Variants in REEP3 observed in about 807,000 individuals in gnomAD.
REEP3 encodes receptor expression-enhancing protein 3.
In REEP3, 20 loss-of-function variants were observed where a neutral mutation model predicts 41.3. The observed-to-expected ratio is 0.48, with a 90% CI of 0.34 to 0.70. REEP3 has a LOEUF of 0.70. REEP3 is among the 30% of genes least tolerant of loss of function. The pLI is 0.01. For missense variants in REEP3, 271 were observed against 308.8 expected (o/e 0.88, Z 0.92); for synonymous variants, 104 against 101.8 (o/e 1.02, Z -0.13).
intron 5 of REEP3, among the ~76,000 whole-genome samples, chr10:63,604,183 C>T (rs565069961): frequency 6.6e-6 from 1 of 151,974 alleles, no homozygotes; most frequent in Admixed American, 6.6e-5. Context: ...TTTATTACAC[C>T]GTAAAGCAAT....
At chr10:63,599,082 A>G (rs553027984) in intron 4 of REEP3, 88 bp from the exon 5 acceptor site, 1 of 654,806 alleles carries the variant, frequency 1.5e-6, no homozygotes, top group East Asian at 3.1e-5. Flanking sequence ...TATAAAATTA[A>G]TGAAACTATT....
intron 2 of REEP3, among the ~76,000 whole-genome samples, chr10:63,585,466 A>G (rs1328232087): frequency 3.9e-5 from 6 of 152,170 alleles, no homozygotes; most frequent in Non-Finnish European, 8.8e-5. Flanking sequence ...GTAGTTATAT[A>G]TTAAATCAGA....
chr10:63,529,444 C>A (rs1241334647), intron 1 of REEP3, among the ~76,000 whole-genome samples: 1 of 148,368 alleles, frequency 6.7e-6, no homozygotes, highest in Non-Finnish European at 1.5e-5. Context: ...GAATGTCATT[C>A]TTTTATTTAT....
At chr10:63,568,837 AT>A (rs1955827558) in intron 2 of REEP3, among the ~76,000 whole-genome samples, 2 of 149,448 alleles carry the variant, frequency 1.3e-5, no homozygotes, top group African/African-American at 4.9e-5. Flanking sequence ...TTTTTTTATT[AT>A]TTTTTATAGA....
chr10:63,568,678 A>G (rs1955825618), intron 2 of REEP3, among the ~76,000 whole-genome samples: 1 of 135,696 alleles, frequency 7.4e-6, no homozygotes, highest in Non-Finnish European at 1.6e-5. Flanking sequence ...TTTTTGAGAC[A>G]GGGTCTTGCT....
At chr10:63,545,129 A>G (rs1955564975) in intron 1 of REEP3, among the ~76,000 whole-genome samples, 1 of 152,180 alleles carries the variant, frequency 6.6e-6, no homozygotes, top group Non-Finnish European at 1.5e-5. Flanking sequence ...TGCTTTTTAA[A>G]TTGTTTGTGG....
chr10:63,529,779 C>CT (rs11442892), intron 1 of REEP3, among the ~76,000 whole-genome samples: 51,208 of 142,068 alleles, frequency 0.36, 9,578 homozygotes, highest in African/African-American at 0.48. Context: ...GAATGTGATT[C>CT]TTTTTTTTTT....
intron 2 of REEP3, among the ~76,000 whole-genome samples, chr10:63,571,445 G>T (rs146332517): frequency 6.6e-5 from 10 of 152,206 alleles, no homozygotes; most frequent in Non-Finnish European, 1.3e-4. Flanking sequence ...CTTGGTTTAT[G>T]GCTTTATTCT....
At chr10:63,597,991 TG>T in intron 3 of REEP3, 32 bp from the exon 4 acceptor site, 1 of 1,566,594 alleles carries the variant, frequency 6.4e-7, no homozygotes. Context: ...TGTTTTTCAC[TG>T]GCAGTTTATT....
At position 63,533,710 on chromosome 10, in the gene REEP3, C is replaced by CTTTTTTTTT. The variant is rs71025187; in HGVS notation, c.32+12140_32+12148dup. 2.1e-3 allele frequency among the ~76,000 whole-genome samples: 208 copies of CTTTTTTTTT among 101,116 alleles called. 33 individuals are homozygous for CTTTTTTTTT. Among genetic ancestry groups the CTTTTTTTTT allele is most frequent in the Non-Finnish European group, 2.6e-3 (121 of 46,346 alleles). 66.3% of individuals were successfully genotyped at this position (101,116 alleles called of 152,430 possible). ...GAAAGAGCCTTGGAAGTATGTAAATCTTTTTTTTTTTTTTTGAGACGGAGT... is the reference window on the plus strand; with the variant it reads ...GAAAGAGCCTTGGAAGTATGTAAATCTTTTTTTTTTTTTTTTTTTTTTTTGAGACGGAGT... On this transcript the variant is annotated intron_variant, in intron 1 of 7. Transcript: ENST00000373758.
chr10:63,575,348 T>C (rs1475537476), intron 2 of REEP3, among the ~76,000 whole-genome samples: 1 of 152,226 alleles, frequency 6.6e-6, no homozygotes, highest in Non-Finnish European at 1.5e-5. Context: ...TAAAATTTCA[T>C]GATGATGTAC....
At position 63,540,444 on chromosome 10, in the gene REEP3, G is replaced by A. The variant is rs190181085; in HGVS notation, c.32+18867G>A. On this transcript the variant is annotated intron_variant, in intron 1 of 7. Transcript: ENST00000373758. ...TTAAAATCATTTCATGCCTTTTAAT[G>A]TATCCACAGTATTAAGACTGTAAAC... Among the ~76,000 whole-genome samples, 504 of 152,248 alleles carry A rather than the reference G, an allele frequency of 3.3e-3. 2 individuals are homozygous for A. The highest frequency in any genetic ancestry group is 5.8e-3 in the Non-Finnish European group (392 of 68,002).
At position 63,594,762 on chromosome 10, in the gene REEP3, T is replaced by C; in HGVS notation, c.106-16T>C. ...ATTTTCATCTGTTGTTTCATGAGTA[T>C]TTTTATTATTTCCAGGTTCGATGGA... is the stretch of plus-strand genomic sequence containing the variant. On this transcript the variant is annotated splice_polypyrimidine_tract_variant and intron_variant, in intron 2 of 7. Coordinates refer to ENST00000373758, the MANE Select transcript of REEP3 (RefSeq NM_001001330.3). 1 of 1,545,976 alleles carries C rather than the reference T, an allele frequency of 6.5e-7. No homozygotes were observed. The highest frequency in any genetic ancestry group is 8.9e-7 in the Non-Finnish European group (1 of 1,117,986).
At chr10:63,525,659 TCCTC>T (rs1265408482) in intron 1 of REEP3, among the ~76,000 whole-genome samples, 1 of 152,146 alleles carries the variant, frequency 6.6e-6, no homozygotes, top group Non-Finnish European at 1.5e-5. Flanking sequence ...CCTCAGGTGA[TCCTC>T]CCACCTCAGC....
At chr10:63,606,237 A>G (rs2133423255) in intron 5 of REEP3, 1 of 189,214 alleles carries the variant, frequency 5.3e-6, no homozygotes, top group East Asian at 1.9e-4. Context: ...CTGTTTCCAT[A>G]CAGCAGACTA....
intron 2 of REEP3, among the ~76,000 whole-genome samples, chr10:63,589,569 C>T (rs917173249): frequency 2.0e-5 from 3 of 152,118 alleles, no homozygotes; most frequent in African/African-American, 7.2e-5. Context: ...CTTTGGGTTC[C>T]AGGAAGCCTT....
intron 1 of REEP3, among the ~76,000 whole-genome samples, chr10:63,530,206 T>G (rs1406441288): frequency 1.3e-5 from 2 of 152,238 alleles, no homozygotes; most frequent in Non-Finnish European, 2.9e-5. Context: ...CTTATGGAAG[T>G]TTGAAGGCAG....
intron 1 of REEP3, among the ~76,000 whole-genome samples, chr10:63,565,886 CTTTT>C (rs372856366): frequency 1.5e-5 from 2 of 137,028 alleles, no homozygotes. Context: ...TTTAAATCAT[CTTTT>C]TTTTTTTTTT....
intron 2 of REEP3, among the ~76,000 whole-genome samples, chr10:63,587,219 T>C (rs948728530): frequency 4.6e-5 from 7 of 152,246 alleles, no homozygotes; most frequent in African/African-American, 1.7e-4. Flanking sequence ...CCTCTAGCTC[T>C]GCCTCTGTCT....
Sources: gnomAD v4.1 joint callset for allele counts (sites outside exome capture counted in the v4.1 genomes callset) on GRCh38, gnomAD v4.1.1 for gene constraint, MANE v1.5 for transcripts, NCBI Gene and HGNC (gene_info 2026-07-23, HGNC 2026-07-21) for gene names.